The following BMP7 variants were observed in gnomAD, a reference collection of about 807,000 sequenced individuals.
The protein encoded by BMP7 is bone morphogenetic protein 7, also known as osteogenic protein 1.
In BMP7, 12 loss-of-function variants were observed where a neutral mutation model predicts 41.2. The ratio of observed to expected loss-of-function variants is 0.29; its 90% CI spans 0.19 to 0.47. The LOEUF (loss-of-function observed/expected upper bound fraction) is 0.47. Among genes scored for constraint, BMP7 ranks in the 20% least tolerant of loss-of-function variants. The pLI, the probability that BMP7 is intolerant of heterozygous loss-of-function variation, is 0.99. For synonymous variants in BMP7, 248 were observed against 250.0 expected (o/e 0.99, Z 0.07); for missense variants, 467 against 606.0 (o/e 0.77, Z 2.41).
chr20:57,182,995 G>T (rs537259442), intron 4 of BMP7, among the ~76,000 whole-genome samples: 31 of 152,314 alleles, frequency 2.0e-4, no homozygotes, highest in Non-Finnish European at 3.8e-4. Flanking sequence ...AGCACTTTGG[G>T]AGGCCAAGGC....
intron 5 of BMP7, 63 bp from the exon 6 acceptor site, chr20:57,173,373 C>G: frequency 6.7e-7 from 1 of 1,497,940 alleles, no homozygotes; most frequent in Non-Finnish European, 9.2e-7. Context: ...ATCCCAACCC[C>G]CATGCTGGCC....
intron 1 of BMP7, among the ~76,000 whole-genome samples, chr20:57,237,391 G>A (rs937750790): frequency 6.6e-6 from 1 of 152,204 alleles, no homozygotes; most frequent in African/African-American, 2.4e-5. Flanking sequence ...GAGGGCTACA[G>A]CTCATCTGGA....
intron 3 of BMP7, among the ~76,000 whole-genome samples, chr20:57,190,013 C>A (rs1383418424): frequency 1.3e-5 from 2 of 152,190 alleles, no homozygotes; most frequent in Non-Finnish European, 2.9e-5. Flanking sequence ...ATGTTCCTGG[C>A]AGAGGGAATG....
intron 1 of BMP7, among the ~76,000 whole-genome samples, chr20:57,235,551 G>A (rs952381548): frequency 5.9e-5 from 9 of 152,176 alleles, no homozygotes; most frequent in African/African-American, 2.2e-4. Flanking sequence ...GTTCAGGTAC[G>A]AGGCAGCTCT....
chr20:57,210,158 C>T (rs1011400114), intron 2 of BMP7, among the ~76,000 whole-genome samples: 38 of 152,232 alleles, frequency 2.5e-4, no homozygotes, highest in African/African-American at 5.1e-4. Flanking sequence ...CATAGCCCTG[C>T]TCTGCAAGGC....
At chr20:57,179,097 C>T (rs1310069860) in intron 4 of BMP7, among the ~76,000 whole-genome samples, 1 of 152,218 alleles carries the variant, frequency 6.6e-6, no homozygotes, top group Non-Finnish European at 1.5e-5. Context: ...TGGGCACTGG[C>T]CCTGCCACCA....
In BMP7 at chr20:57,213,142, C is replaced by T. The variant is rs773367702; in HGVS notation, c.612-10519G>A. Among the ~76,000 whole-genome samples, 1 of 152,222 alleles carries T rather than the reference C, an allele frequency of 6.6e-6. No homozygotes were observed. The highest frequency in any genetic ancestry group is 1.9e-4 in the East Asian group (1 of 5,188). On this transcript the variant is annotated intron_variant, in intron 2 of 6. Coordinates refer to ENST00000395863, the MANE Select transcript of BMP7 (RefSeq NM_001719.3). This position sits in a 1 kb window ranked among gnomAD's most constrained non-coding sequence, Gnocchi z 4.4. ...ACCCACGGCCCTCTCACCCACCCCA[C>T]GGCTGTCTGTCTCCCTCTGGGCAGG...
chr20:57,177,478 G>A (rs1600727613), intron 4 of BMP7, among the ~76,000 whole-genome samples: 1 of 152,222 alleles, frequency 6.6e-6, no homozygotes, highest in East Asian at 1.9e-4. Context: ...CTCCTGAGTA[G>A]CTGAGACTAT....
intron 2 of BMP7, among the ~76,000 whole-genome samples, chr20:57,225,062 C>G (rs1985278271): frequency 6.6e-6 from 1 of 152,216 alleles, no homozygotes; most frequent in Admixed American, 6.5e-5. Context: ...GCTGGCGGCA[C>G]AGAGACAGAG....
intron 4 of BMP7, among the ~76,000 whole-genome samples, chr20:57,178,920 G>C (rs376891645): frequency 7.2e-5 from 11 of 152,200 alleles, no homozygotes. Context: ...TATTAGCAAT[G>C]TCTGTCATGA....
At chr20:57,189,105 A>G (rs1046287561) in intron 3 of BMP7, among the ~76,000 whole-genome samples, 2 of 152,360 alleles carry the variant, frequency 1.3e-5, no homozygotes, top group African/African-American at 4.8e-5. Context: ...ACTTCTTCCA[A>G]CAGCTAGGTC....
chr20:57,206,641 C>T lies in BMP7; in HGVS notation c.612-4018G>A, dbSNP rs75656200. On this transcript the variant is annotated intron_variant, in intron 2 of 6. Transcript: ENST00000395863. ...ATGGAGAAGGGATAAGGCAAGGTTA[C>T]GCCAGATAATTCCCGTGTCTTGGTT... Among the ~76,000 whole-genome samples, 527 of 152,268 alleles carry T rather than the reference C, an allele frequency of 3.5e-3. 1 individual carries two copies. Among genetic ancestry groups the T allele is most frequent in the Middle Eastern group, 6.8e-3 (2 of 294 alleles).
chr20:57,201,184 A>G (rs1043815256), intron 3 of BMP7, among the ~76,000 whole-genome samples: 3 of 152,240 alleles, frequency 2.0e-5, no homozygotes, highest in Non-Finnish European at 4.4e-5. Flanking sequence ...TTAAGGCACT[A>G]TTTTTAAAAA....
At chr20:57,198,071 CCTCTCCTCTCG>C (rs988678156) in intron 3 of BMP7, among the ~76,000 whole-genome samples, 44 of 150,288 alleles carry the variant, frequency 2.9e-4, no homozygotes, top group African/African-American at 1.1e-3. Flanking sequence ...CCTCTCCCCT[CCTCTCCTCTCG>C]CTCTCCTCTC....
At chr20:57,222,560 G>A (rs1488617401) in intron 2 of BMP7, among the ~76,000 whole-genome samples, 1 of 152,038 alleles carries the variant, frequency 6.6e-6, no homozygotes, top group African/African-American at 2.4e-5. Flanking sequence ...GTTCTGGAGT[G>A]AGGCCCAGAG....
At chr20:57,242,870 G>T (rs2066075151) in intron 1 of BMP7, among the ~76,000 whole-genome samples, 1 of 152,108 alleles carries the variant, frequency 6.6e-6, no homozygotes, top group Admixed American at 6.5e-5. Flanking sequence ...AGGCATGGTG[G>T]CACGTGCCTG....
intron 1 of BMP7, among the ~76,000 whole-genome samples, chr20:57,240,705 T>C (rs145352580): frequency 0.027 from 4,115 of 152,284 alleles, 78 homozygotes; most frequent in Non-Finnish European, 0.041. Flanking sequence ...TGAAAGGCAC[T>C]TCTTACATGA....
intron 1 of BMP7, among the ~76,000 whole-genome samples, chr20:57,257,824 CA>C (rs139904463): frequency 0.12 from 12,351 of 103,208 alleles, 482 homozygotes; most frequent in Non-Finnish European, 0.13. Context: ...CACAAGCCAC[CA>C]AAAAAAAAAA....
chr20:57,213,024 C>A lies in BMP7; in HGVS notation c.612-10401G>T, dbSNP rs1027583828. Among the ~76,000 whole-genome samples, 1 of 152,216 alleles carries A rather than the reference C, an allele frequency of 6.6e-6. No individual in the cohort carries two copies. Among genetic ancestry groups the A allele is most frequent in the Non-Finnish European group, 1.5e-5 (1 of 68,046 alleles). On this transcript the variant is annotated intron_variant, in intron 2 of 6. Transcript: ENST00000395863. This position sits in a 1 kb window ranked among gnomAD's most constrained non-coding sequence, Gnocchi z 4.4. ...CACTTTCTTGAAGACGGTGCATATCCAGGAAGGCTAAAATTAAAGCTTTGG... is the reference window on the plus strand; with the variant it reads ...CACTTTCTTGAAGACGGTGCATATCAAGGAAGGCTAAAATTAAAGCTTTGG...
Sources: gnomAD v4.1 joint callset for allele counts (sites outside exome capture counted in the v4.1 genomes callset) on GRCh38, gnomAD v4.1.1 for gene constraint, Gnocchi (gnomAD v3.1) non-coding constraint, MANE v1.5 for transcripts, NCBI Gene and HGNC (gene_info 2026-07-23, HGNC 2026-07-21) for gene names.